Variants in NTRK2 observed in about 807,000 individuals in gnomAD.
The protein encoded by NTRK2 is BDNF/NT-3 growth factors receptor.
In NTRK2, 13 loss-of-function variants were observed where a neutral mutation model predicts 94.5. That is an observed-to-expected ratio of 0.14 (90% CI 0.09 to 0.22). The LOEUF is 0.22. Ranked by LOEUF, NTRK2 falls within the 10% of genes least tolerant of loss-of-function variation. NTRK2 has a pLI of 1.00. For synonymous variants in NTRK2, 372 were observed against 407.4 expected, an observed-to-expected ratio of 0.91 and a Z score of 1.05; for missense variants, 639 against 1,071.2, an observed-to-expected ratio of 0.60 and a Z score of 5.63.
rs1833035062 is a variant in NTRK2 at position 85,026,373 on chromosome 9, T to C, written c.*4936T>C. Reference sequence around the variant, plus strand: ...GAGTGGAGGTTAGCTGAACGTTCAATGTACTGGAGCAAGCATCATAAAAGC... The same window carrying C: ...GAGTGGAGGTTAGCTGAACGTTCAACGTACTGGAGCAAGCATCATAAAAGC... On this transcript the variant is annotated 3_prime_UTR_variant, in exon 19 of 19. Coordinates refer to ENST00000277120, the MANE Select transcript of NTRK2 (RefSeq NM_006180.6). The C allele has an allele frequency of 4.3e-6, 1 of 231,748 alleles. No homozygotes were observed. Among genetic ancestry groups the C allele is most frequent in the Admixed American group, 5.6e-5 (1 of 17,736 alleles). The allele number at this position is 231,748 out of a possible 1,614,324, so 14.4% of individuals were successfully genotyped here.
At chr9:84,920,217 C>G (rs2077519058) in intron 14 of NTRK2, among the ~76,000 whole-genome samples, 1 of 151,946 alleles carries the variant, frequency 6.6e-6, no homozygotes, top group South Asian at 2.1e-4. Context: ...CATTTTTTTT[C>G]TCTTTACAAA....
At chr9:84,757,268 T>C (rs2065165772) in intron 12 of NTRK2, among the ~76,000 whole-genome samples, 1 of 152,220 alleles carries the variant, frequency 6.6e-6, no homozygotes, top group Non-Finnish European at 1.5e-5. Context: ...AAAATGGATG[T>C]TCCCATCACC....
At position 84,752,013 on chromosome 9, in the gene NTRK2, G is replaced by T. The variant is rs758094577; in HGVS notation, c.1324G>T (p.Val442Leu). The T allele has an allele frequency of 8.7e-6, 14 of 1,614,078 alleles. No homozygotes were observed. The highest frequency in any genetic ancestry group is 6.7e-5 in the Admixed American group (4 of 60,030). Reference sequence around the variant, plus strand: ...CTATGCTGTGGTGGTGATTGCGTCTGTGGTGGGATTTTGCCTTTTGGTAAT... The same window carrying T: ...CTATGCTGTGGTGGTGATTGCGTCTTTGGTGGGATTTTGCCTTTTGGTAAT... The part of the protein sequence containing the change: ...SVYAVVVIAS[V>L]VGFCLLVMLF... The change falls in exon 12 of 19, where the codon GTG (valine) becomes TTG (leucine). Residue 442 changes from valine (V) to leucine (L), a missense_variant. Coordinates refer to ENST00000277120, the MANE Select transcript of NTRK2 (RefSeq NM_006180.6).
chr9:84,996,498 A>G (rs1588143875), intron 17 of NTRK2, among the ~76,000 whole-genome samples: 2 of 152,330 alleles, frequency 1.3e-5, no homozygotes, highest in African/African-American at 2.4e-5. Flanking sequence ...TTCTATCGCT[A>G]TCTCCTGACA....
intron 12 of NTRK2, chr9:84,814,988 G>C (rs200333547): frequency 3.6e-5 from 38 of 1,059,394 alleles, no homozygotes; most frequent in Non-Finnish European, 4.2e-5. Flanking sequence ...GGAAGATTAA[G>C]GACTCTTTTG....
intron 12 of NTRK2, among the ~76,000 whole-genome samples, chr9:84,799,670 G>A (rs1212436936): frequency 1.3e-5 from 2 of 151,958 alleles, no homozygotes; most frequent in Non-Finnish European, 2.9e-5. Flanking sequence ...GCATGGGAGG[G>A]CATTTTCACT....
chr9:84,795,342 C>G (rs2069181334), intron 12 of NTRK2, among the ~76,000 whole-genome samples: 1 of 152,306 alleles, frequency 6.6e-6, no homozygotes, highest in Middle Eastern at 3.4e-3. Flanking sequence ...CCGTGTACCC[C>G]TCATCCCAAC....
intron 15 of NTRK2, among the ~76,000 whole-genome samples, chr9:84,946,694 C>A (rs933124703): frequency 1.3e-5 from 2 of 152,216 alleles, no homozygotes. Flanking sequence ...CAGGTTACTG[C>A]AAATTCACCA....
chr9:84,723,293 AGTTCTTTATACTAGT>A (rs1324753431), intron 6 of NTRK2, among the ~76,000 whole-genome samples: 22 of 152,250 alleles, frequency 1.4e-4, no homozygotes, highest in Admixed American at 1.4e-3. Context: ...GGTGGAAGAC[AGTTCTTTATACTAGT>A]GTTCTTGAAA....
intron 12 of NTRK2, among the ~76,000 whole-genome samples, chr9:84,847,221 A>G (rs992747008): frequency 6.6e-6 from 1 of 152,112 alleles, no homozygotes; most frequent in African/African-American, 2.4e-5. Context: ...CATTAGTGGT[A>G]ATAAAACTTG....
intron 9 of NTRK2, among the ~76,000 whole-genome samples, chr9:84,735,245 T>C (rs952333775): frequency 6.6e-6 from 1 of 152,162 alleles, no homozygotes; most frequent in Non-Finnish European, 1.5e-5. Context: ...CACTGAGACC[T>C]TTTGACTCTG....
rs2066407384 is a variant in NTRK2 at position 84,770,178 on chromosome 9, A to ACACACT, written c.1396+18098_1396+18099insTCACAC. On this transcript the variant is annotated intron_variant, in intron 12 of 18. Coordinates refer to ENST00000277120, the MANE Select transcript of NTRK2 (RefSeq NM_006180.6). ...AACACACACACACACACACACACAC[A>ACACACT]CACACACACACACACAAACACACAG... Among the ~76,000 whole-genome samples, 3 of 151,756 alleles carry ACACACT rather than the reference A, an allele frequency of 2.0e-5. No individual in the cohort carries two copies. The South Asian group carries it at 6.3e-4, about 32-fold the overall frequency.
At chr9:84,905,126 G>A (rs1312414823) in intron 14 of NTRK2, among the ~76,000 whole-genome samples, 2 of 152,198 alleles carry the variant, frequency 1.3e-5, no homozygotes, top group Admixed American at 6.5e-5. Context: ...ATTCTGGAAG[G>A]TGAAACACGA....
In NTRK2 at chr9:84,948,485, T is replaced by C; in HGVS notation, c.1788T>C (p.Asn596=). ...AGACCCTGAAGGATGCCAGTGACAA[T>C]GCACGCAAGGACTTCCACCGTGAGG... ...AVKTLKDASD[N]ARKDFHREAE... The change falls in exon 16 of 19, where the codon AAT becomes AAC. Residue 596 remains asparagine (N), a synonymous_variant. Coordinates refer to ENST00000277120, the MANE Select transcript of NTRK2 (RefSeq NM_006180.6). 6.2e-7 allele frequency: 1 copy of C among 1,614,140 alleles called. No individual in the cohort carries two copies. The highest frequency in any genetic ancestry group is 8.5e-7 in the Non-Finnish European group (1 of 1,180,024).
intron 16 of NTRK2, among the ~76,000 whole-genome samples, chr9:84,950,536 T>G (rs2078743095): frequency 6.6e-6 from 1 of 152,168 alleles, no homozygotes; most frequent in African/African-American, 2.4e-5. Context: ...CAATCACCTT[T>G]GTTCTCAGGT....
intron 12 of NTRK2, among the ~76,000 whole-genome samples, chr9:84,773,512 G>GT (rs2066750023): frequency 1.3e-5 from 2 of 152,148 alleles, no homozygotes; most frequent in Admixed American, 1.3e-4. Flanking sequence ...AAATCTTACT[G>GT]TTTTTCCATT....
intron 12 of NTRK2, among the ~76,000 whole-genome samples, chr9:84,755,197 G>T (rs2064973959): frequency 6.6e-6 from 1 of 152,196 alleles, no homozygotes; most frequent in Admixed American, 6.5e-5. Flanking sequence ...CTGCAGGTCT[G>T]TAAGCTTCGT....
chr9:84,923,282 A>G (rs1283728571), intron 14 of NTRK2, among the ~76,000 whole-genome samples: 2 of 152,134 alleles, frequency 1.3e-5, no homozygotes, highest in Admixed American at 6.5e-5. Flanking sequence ...GTTGGCCCCA[A>G]TGACTCCATG....
intron 14 of NTRK2, among the ~76,000 whole-genome samples, chr9:84,925,752 G>A (rs1275294387): frequency 6.6e-6 from 1 of 152,200 alleles, no homozygotes; most frequent in Non-Finnish European, 1.5e-5. Context: ...GTGAGGACAA[G>A]TTCTAGTGCT....
Sources: allele counts gnomAD v4.1 joint callset (sites outside exome capture counted in the v4.1 genomes callset), GRCh38; gene constraint gnomAD v4.1.1; transcripts MANE v1.5; gene names NCBI Gene and HGNC (gene_info 2026-07-23, HGNC 2026-07-21).